Variants in NCKAP5 observed in about 807,000 individuals in gnomAD.
NCKAP5 encodes nck-associated protein 5.
In NCKAP5, 92 loss-of-function variants were observed where a neutral mutation model predicts 167.0. The ratio of observed to expected loss-of-function variants is 0.55; its 90% CI spans 0.47 to 0.66. The LOEUF (loss-of-function observed/expected upper bound fraction) is 0.66, where lower values mean the gene tolerates loss of function less well. Among genes scored for constraint, NCKAP5 ranks in the 30% least tolerant of loss-of-function variants. NCKAP5 has a pLI of 0.00. For synonymous variants in NCKAP5, 891 were observed against 877.4 expected, an observed-to-expected ratio of 1.02 and a Z score of -0.27; for missense variants, 2,378 against 2,315.0, an observed-to-expected ratio of 1.03 and a Z score of -0.56.
intron 3 of NCKAP5, among the ~76,000 whole-genome samples, chr2:133,512,023 G>A (rs1683541045): frequency 6.6e-6 from 1 of 152,154 alleles, no homozygotes; most frequent in Non-Finnish European, 1.5e-5. Flanking sequence ...ATGGTAAGAG[G>A]AGGTCTAACA....
intron 3 of NCKAP5, among the ~76,000 whole-genome samples, chr2:133,446,255 A>C (rs1354565974): frequency 6.6e-6 from 1 of 152,206 alleles, no homozygotes; most frequent in Non-Finnish European, 1.5e-5. Context: ...GAAGTCCTAC[A>C]TTTCAAGCTT....
intron 9 of NCKAP5, among the ~76,000 whole-genome samples, chr2:132,872,669 T>C (rs1037173): frequency 0.53 from 80,502 of 152,010 alleles, 21,932 homozygotes; most frequent in East Asian, 0.81. Context: ...TGCTTTCATA[T>C]CTTCATGAGC....
At chr2:132,960,040 C>T (rs138083554) in intron 8 of NCKAP5, among the ~76,000 whole-genome samples, 1 of 152,230 alleles carries the variant, frequency 6.6e-6, no homozygotes, top group Non-Finnish European at 1.5e-5. Context: ...GAAGCAGTGG[C>T]TGGGTAGTGA....
chr2:133,460,804 G>T (rs1692155543), intron 3 of NCKAP5, among the ~76,000 whole-genome samples: 1 of 151,988 alleles, frequency 6.6e-6, no homozygotes, highest in African/African-American at 2.4e-5. Context: ...TTTTATTTTT[G>T]TATTTAGACT....
chr2:133,660,955 C>CA, the NCKAP5 span, among the ~76,000 whole-genome samples: 2,783 of 124,684 alleles, frequency 0.022, 48 homozygotes, highest in African/African-American at 0.052. Context: ...TACAGGCTTG[C>CA]AAAAAAAAAA....
At chr2:132,861,079 T>TG (rs1334632536) in intron 10 of NCKAP5, among the ~76,000 whole-genome samples, 1 of 152,142 alleles carries the variant, frequency 6.6e-6, no homozygotes, top group Non-Finnish European at 1.5e-5. Flanking sequence ...TTCTCGGTGA[T>TG]GGGGCTAATA....
intron 16 of NCKAP5, among the ~76,000 whole-genome samples, chr2:132,748,110 T>G (rs1022300666): frequency 6.6e-6 from 1 of 152,200 alleles, no homozygotes; most frequent in Non-Finnish European, 1.5e-5. Flanking sequence ...TTCTCTTCAC[T>G]GTGTCCCTGC....
At chr2:133,023,366 T>C (rs1298572061) in intron 6 of NCKAP5, among the ~76,000 whole-genome samples, 1 of 152,236 alleles carries the variant, frequency 6.6e-6, no homozygotes, top group Non-Finnish European at 1.5e-5. Flanking sequence ...TTTGTTCTAT[T>C]ATAATGTTCT....
chr2:132,762,460 CG>C (rs1202836278), intron 16 of NCKAP5, among the ~76,000 whole-genome samples: 2 of 152,128 alleles, frequency 1.3e-5, no homozygotes, highest in Non-Finnish European at 2.9e-5. Flanking sequence ...TGCACAAAAT[CG>C]GGTCTCTGTA....
In NCKAP5 at chr2:132,789,270, T is replaced by C. The variant is rs150868160; in HGVS notation, c.1092+753A>G. On this transcript the variant is annotated intron_variant, in intron 13 of 19. Transcript: ENST00000409261. ...CATCCCTGACCATCTGTCCAGTCTG[T>C]TCCAAACCAGGCTCAGAGCAGTCAT... Among the ~76,000 whole-genome samples the C allele has an allele frequency of 2.0e-5, 3 of 152,314 alleles. No individual in the cohort carries two copies. The East Asian group carries it at 5.8e-4, about 29-fold the overall frequency.
intron 6 of NCKAP5, among the ~76,000 whole-genome samples, chr2:133,020,819 G>A (rs1405923202): frequency 3.3e-5 from 5 of 152,268 alleles, no homozygotes; most frequent in South Asian, 2.1e-4. Flanking sequence ...AAATCTAAGT[G>A]GGATTGTGAA....
rs542958947 is a variant in NCKAP5 at position 132,959,345 on chromosome 2, G to A, written c.579+4375C>T. On this transcript the variant is annotated intron_variant, in intron 8 of 19. Coordinates refer to ENST00000409261, the MANE Select transcript of NCKAP5 (RefSeq NM_207363.3). ...ACAAAATAAATCATTCCTAGAAGCG[G>A]CCAAGTTCTTTCAACCTTGAGGCTA... Among the ~76,000 whole-genome samples, 7 of 152,160 alleles carry A rather than the reference G, an allele frequency of 4.6e-5. No individual in the cohort carries two copies. In the South Asian group the frequency reaches 1.5e-3, roughly 32 times the overall value.
chr2:132,946,897 CAAAAT>C (rs1697789274), intron 8 of NCKAP5, among the ~76,000 whole-genome samples: 2 of 151,914 alleles, frequency 1.3e-5, no homozygotes, highest in Admixed American at 6.6e-5. Flanking sequence ...GACCTTGTCT[CAAAAT>C]AAAAAAGTTT....
chr2:133,055,767 A>G (rs2079777671), intron 6 of NCKAP5, among the ~76,000 whole-genome samples: 1 of 152,086 alleles, frequency 6.6e-6, no homozygotes. Context: ...GAGCTGTAGG[A>G]AAACATGACT....
chr2:132,794,333 G>T (rs1180966895), intron 12 of NCKAP5, among the ~76,000 whole-genome samples: 2 of 145,808 alleles, frequency 1.4e-5, no homozygotes, highest in Admixed American at 6.9e-5. Flanking sequence ...GAGAGAAAGA[G>T]AGAGAGACAG....
chr2:132,785,085 T>C lies in NCKAP5; in HGVS notation c.1726A>G (p.Asn576Asp). Reference sequence around the variant, plus strand: ...TCATCAGTGTCTGAAAGCTGGAGGTTGAGAGCCATGCGGCCATGGCCTTGG... The same window carrying C: ...TCATCAGTGTCTGAAAGCTGGAGGTCGAGAGCCATGCGGCCATGGCCTTGG... ...QGQGHGRMAL[N>D]LQLSDTDDNE... is the part of the protein sequence containing the mutation. The change falls in exon 14 of 20, where the codon AAC becomes GAC. Residue 576 changes from asparagine to aspartate, a missense_variant. Physicochemically the swap from Asn to Asp is conservative, Grantham distance 23. Coordinates refer to ENST00000409261, the MANE Select transcript of NCKAP5 (RefSeq NM_207363.3). The C allele has an allele frequency of 6.2e-7, 1 of 1,614,066 alleles. No individual in the cohort carries two copies. Among genetic ancestry groups the C allele is most frequent in the Non-Finnish European group, 8.5e-7 (1 of 1,179,900 alleles).
intron 19 of NCKAP5, among the ~76,000 whole-genome samples, chr2:132,709,644 CCT>C (rs1451896424): frequency 6.6e-6 from 1 of 151,724 alleles, no homozygotes. Flanking sequence ...TGCAATAAAG[CCT>C]GAGAGTATTA....
At chr2:133,495,861 C>T (rs80354367) in intron 3 of NCKAP5, among the ~76,000 whole-genome samples, 1 of 152,076 alleles carries the variant, frequency 6.6e-6, no homozygotes, top group East Asian at 1.9e-4. Flanking sequence ...AATTTTATGC[C>T]TGCCTCATAT....
chr2:133,102,299 A>T (rs560476990), intron 6 of NCKAP5, among the ~76,000 whole-genome samples: 8 of 152,184 alleles, frequency 5.3e-5, no homozygotes, highest in Admixed American at 5.2e-4. Context: ...GGCACGTGCC[A>T]CCAAGCCTGG....
Sources: gnomAD v4.1 joint callset for allele counts (sites outside exome capture counted in the v4.1 genomes callset) on GRCh38, gnomAD v4.1.1 for gene constraint, MANE v1.5 for transcripts, NCBI Gene and HGNC (gene_info 2026-07-23, HGNC 2026-07-21) for gene names.